EAF2: variants seen among roughly 807,000 people sequenced by gnomAD.
The protein encoded by EAF2 is ELL associated factor 2.
Under a neutral mutation model 29.4 loss-of-function variants are expected in EAF2, and 29 were observed. The ratio of observed to expected loss-of-function variants is 0.99; its 90% confidence interval spans 0.73 to 1.35. The LOEUF (loss-of-function observed/expected upper bound fraction) is 1.35, where lower values mean the gene tolerates loss of function less well. Among genes scored for constraint, EAF2 ranks in the 40% most tolerant of loss-of-function variants. EAF2 has a pLI of 0.00. For missense variants in EAF2, 292 were observed against 312.0 expected (o/e 0.94, Z 0.48); for synonymous variants, 103 against 102.5 (o/e 1.00, Z -0.03).
chr3:121,840,246 A>C (rs1210896697), intron 1 of EAF2, among the ~76,000 whole-genome samples: 2 of 148,320 alleles, frequency 1.3e-5, no homozygotes, highest in Non-Finnish European at 1.5e-5. Context: ...TAATCCCAGC[A>C]CTTTCGGAGG....
At chr3:121,845,421 G>C (rs1044566709) in intron 2 of EAF2, among the ~76,000 whole-genome samples, 1 of 108,938 alleles carries the variant, frequency 9.2e-6, no homozygotes, top group East Asian at 3.1e-4. Flanking sequence ...CTGGGCGATA[G>C]AGCGAGACTC....
chr3:121,857,037 A>G lies in EAF2; in HGVS notation c.365A>G (p.Tyr122Cys), dbSNP rs916208031. 1.2e-6 allele frequency: 2 copies of G among 1,613,480 alleles called. No individual in the cohort carries two copies. The highest frequency in any genetic ancestry group is 1.7e-6 in the Non-Finnish European group (2 of 1,179,838). The change falls in exon 4 of 6, where the codon TAT becomes TGT. Residue 122 changes from tyrosine (Y) to cysteine (C), a missense_variant. Coordinates refer to ENST00000273668, the MANE Select transcript of EAF2 (RefSeq NM_018456.6). ...TRVEGSSKIQYRKEQQQQQMW... is the reference protein window; with the variant it reads ...TRVEGSSKIQCRKEQQQQQMW... ...GTTGAAGGAAGCAGTAAAATTCAGT[A>G]TCGTAAAGAACAACAGCAACAACAA...
At chr3:121,859,027 A>G (rs202040087) in intron 4 of EAF2, among the ~76,000 whole-genome samples, 3 of 152,136 alleles carry the variant, frequency 2.0e-5, no homozygotes, top group African/African-American at 7.2e-5. Context: ...CCATTGGTCT[A>G]TATATGTGTT....
intron 2 of EAF2, among the ~76,000 whole-genome samples, chr3:121,853,205 C>G (rs1370733036): frequency 2.0e-5 from 3 of 152,138 alleles, no homozygotes; most frequent in Admixed American, 6.5e-5. Context: ...ACATTTCTAT[C>G]TAAGCACCAT....
intron 4 of EAF2, among the ~76,000 whole-genome samples, chr3:121,864,654 A>G (rs201215558): frequency 3.3e-5 from 2 of 61,300 alleles, no homozygotes; most frequent in Non-Finnish European, 8.8e-5. Flanking sequence ...CATCTCTACA[A>G]AAAAATGCAA....
At chr3:121,851,765 G>T (rs1444762138) in intron 2 of EAF2, among the ~76,000 whole-genome samples, 2 of 152,170 alleles carry the variant, frequency 1.3e-5, no homozygotes, top group Non-Finnish European at 2.9e-5. Context: ...AAGAGAGTAG[G>T]GAGGAGAATA....
chr3:121,856,537 A>G (rs1708722016), intron 3 of EAF2, among the ~76,000 whole-genome samples: 1 of 152,172 alleles, frequency 6.6e-6, no homozygotes, highest in African/African-American at 2.4e-5. Flanking sequence ...GCTGGAGTGC[A>G]GTGGCGCAAT....
At chr3:121,850,827 G>A (rs1430242854) in intron 2 of EAF2, among the ~76,000 whole-genome samples, 1 of 152,022 alleles carries the variant, frequency 6.6e-6, no homozygotes, top group African/African-American at 2.4e-5. Context: ...TTCCCAAGTA[G>A]CTGGGATTAC....
chr3:121,863,572 T>C (rs1708871196), intron 4 of EAF2, among the ~76,000 whole-genome samples: 1 of 151,836 alleles, frequency 6.6e-6, no homozygotes, highest in African/African-American at 2.4e-5. Context: ...GGGGTGGGAG[T>C]GTCACGATTT....
At chr3:121,879,567 T>C in intron 5 of EAF2, among the ~76,000 whole-genome samples, 1 of 151,810 alleles carries the variant, frequency 6.6e-6, no homozygotes, top group Non-Finnish European at 1.5e-5. Flanking sequence ...TTTTTGTTTA[T>C]AGTGAGAAAT....
intron 4 of EAF2, among the ~76,000 whole-genome samples, chr3:121,862,711 A>G (rs561872879): frequency 6.6e-6 from 1 of 152,114 alleles, no homozygotes; most frequent in African/African-American, 2.4e-5. Context: ...GCTTTATTCC[A>G]TTGCTGGCGA....
intron 2 of EAF2, among the ~76,000 whole-genome samples, chr3:121,852,910 C>T (rs1051555863): frequency 3.3e-5 from 5 of 151,960 alleles, no homozygotes; most frequent in South Asian, 2.1e-4. Context: ...GAATGACAAA[C>T]GTAAAATTCC....
chr3:121,848,647 T>C (rs1264537468), intron 2 of EAF2, among the ~76,000 whole-genome samples: 1 of 152,172 alleles, frequency 6.6e-6, no homozygotes, highest in African/African-American at 2.4e-5. Flanking sequence ...TCATATAGCT[T>C]TGGGATTTTG....
Position 121,852,707 on chromosome 3 carries a change from A to G in EAF2, c.202-1980A>G, listed in dbSNP as rs537700959. ...TAAATCTCTAATGATTAACTTTAATATGATACACCACTTAGCCTTTTTAGA... is the reference window on the plus strand; with the variant it reads ...TAAATCTCTAATGATTAACTTTAATGTGATACACCACTTAGCCTTTTTAGA... On this transcript the variant is annotated intron_variant, in intron 2 of 5. Coordinates refer to ENST00000273668, the MANE Select transcript of EAF2 (RefSeq NM_018456.6). 1.7e-4 allele frequency among the ~76,000 whole-genome samples: 26 copies of G among 152,338 alleles called. 1 individual carries two copies. The South Asian group carries it at 4.8e-3, about 28-fold the overall frequency.
intron 5 of EAF2, among the ~76,000 whole-genome samples, chr3:121,874,486 G>A (rs751193665): frequency 6.6e-6 from 1 of 151,760 alleles, no homozygotes; most frequent in Non-Finnish European, 1.5e-5. Context: ...AAGTTCTATA[G>A]TAAATTGAGC....
chr3:121,870,720 A>G (rs1354251464), intron 4 of EAF2, among the ~76,000 whole-genome samples: 1 of 152,056 alleles, frequency 6.6e-6, no homozygotes, highest in Non-Finnish European at 1.5e-5. Flanking sequence ...TAAGAAAAAG[A>G]CAAACAAATA....
chr3:121,836,606 C>A, intron 1 of EAF2: 1 of 982,626 alleles, frequency 1.0e-6, no homozygotes, highest in Non-Finnish European at 1.2e-6. Context: ...CAACAGTGTC[C>A]CTTGTTTATT....
chr3:121,849,184 A>T (rs1313960600), intron 2 of EAF2, among the ~76,000 whole-genome samples: 1 of 152,192 alleles, frequency 6.6e-6, no homozygotes, highest in Non-Finnish European at 1.5e-5. Flanking sequence ...TCATCCTGGT[A>T]TAACTGCCTA....
intron 5 of EAF2, among the ~76,000 whole-genome samples, chr3:121,883,559 C>A (rs1257784525): frequency 6.6e-6 from 1 of 152,170 alleles, no homozygotes; most frequent in Non-Finnish European, 1.5e-5. Context: ...ACCCGACTTT[C>A]AAAAATTTCA....
Sources: gnomAD v4.1 joint callset for allele counts (sites outside exome capture counted in the v4.1 genomes callset) on GRCh38, gnomAD v4.1.1 for gene constraint, MANE v1.5 for transcripts, NCBI Gene and HGNC (gene_info 2026-07-23, HGNC 2026-07-21) for gene names.